Variants in GNAT2 observed in about 807,000 individuals in gnomAD.
The protein encoded by GNAT2 is G protein subunit alpha transducin 2.
GNAT2 carries 32 observed loss-of-function variants against 40.9 expected under a neutral mutation model. The observed-to-expected ratio is 0.78, with a 90% CI of 0.59 to 1.05. The LOEUF (loss-of-function observed/expected upper bound fraction) is 1.05. Among genes scored for constraint, GNAT2 ranks in the 50% least tolerant of loss-of-function variants. The pLI, the probability that GNAT2 is intolerant of heterozygous loss-of-function variation, is 0.00. For synonymous variants in GNAT2, 141 were observed against 157.2 expected, an observed-to-expected ratio of 0.90 and a Z score of 0.77; for missense variants, 355 against 431.5, an observed-to-expected ratio of 0.82 and a Z score of 1.57.
chr1:109,615,807 T>C (rs1649938546), intron 1 of GNAT2: 1 of 152,310 alleles, frequency 6.6e-6, no homozygotes, highest in Admixed American at 6.6e-5. Flanking sequence ...CAAAGTTATA[T>C]GGCCTAGTAA....
chr1:109,610,408 C>T, intron 3 of GNAT2, 57 bp downstream of exon 3: 1 of 1,523,582 alleles, frequency 6.6e-7, no homozygotes, highest in Non-Finnish European at 9.1e-7. Flanking sequence ...AATACCTCCA[C>T]TGGCTGTACT....
At chr1:109,609,959 T>G in intron 4 of GNAT2, 81 bp downstream of exon 4, 4 of 1,346,068 alleles carry the variant, frequency 3.0e-6, no homozygotes, top group Non-Finnish European at 2.1e-6. Flanking sequence ...CATCTTTCCA[T>G]ATAGTTTGTT....
At position 109,606,318 on chromosome 1, in the gene GNAT2, A is replaced by G. The variant is rs750089687; in HGVS notation, c.580T>C (p.Leu194=). Residue 194 remains leucine, a synonymous_variant, in exon 6 of 9, where the codon TTG becomes CTG. Coordinates refer to ENST00000679935, the MANE Select transcript of GNAT2 (RefSeq NM_001377295.2). ...IIETKFSVKD[L]NFRMFDVGGQ... ...GAACCATGCACTTACCTGAAATTCA[A>G]GTCTTTGACGGAAAACTTGGTTTCA... The G allele has an allele frequency of 3.1e-6, 5 of 1,613,918 alleles. No individual in the cohort carries two copies. Among genetic ancestry groups the G allele is most frequent in the Admixed American group, 1.7e-5 (1 of 60,020 alleles).
intron 1 of GNAT2, chr1:109,613,946 T>C (rs1649876073): frequency 6.6e-6 from 1 of 152,234 alleles, no homozygotes; most frequent in African/African-American, 2.4e-5. Context: ...AGCTGCCCTT[T>C]CCTGGGGGAA....
At chr1:109,610,533 C>T (rs369052204) in intron 2 of GNAT2, 26 bp from the exon 3 acceptor site, 36 of 1,607,058 alleles carry the variant, frequency 2.2e-5, no homozygotes, top group Middle Eastern at 1.7e-4. Flanking sequence ...CTTATGCTTT[C>T]GATTTCCACC....
intron 7 of GNAT2, 24 bp downstream of exon 7, chr1:109,605,946 C>T: frequency 6.2e-7 from 1 of 1,609,942 alleles, no homozygotes. Context: ...TCTACCAAAG[C>T]TGCTTGATGC....
chr1:109,610,335 A>T, intron 3 of GNAT2, 130 bp downstream of exon 3: 2 of 1,180,376 alleles, frequency 1.7e-6, no homozygotes, highest in Non-Finnish European at 2.5e-6. Flanking sequence ...GGTACAGATG[A>T]GGGGCATTGG....
Position 109,606,033 on chromosome 1 carries a change from G to A in GNAT2, c.657C>T (p.Thr219=). ...TGAGGGCTGCACAGAAAATGATGCA[G>A]GTGACTCCCTCGAAGCAGTGGATCC... The part of the protein sequence containing the change: ...KKWIHCFEGV[T]CIIFCAALSA... The change falls in exon 7 of 9, where the codon ACC becomes ACT. Residue 219 remains threonine, a synonymous_variant. Transcript: ENST00000679935. The A allele has an allele frequency of 3.1e-6, 5 of 1,612,934 alleles. No individual in the cohort carries two copies. Among genetic ancestry groups the A allele is most frequent in the Non-Finnish European group, 4.2e-6 (5 of 1,178,888 alleles).
In GNAT2 at chr1:109,605,891, TA is replaced by T. The variant is rs752944052; in HGVS notation, c.720+78del. On this transcript the variant is annotated intron_variant, in intron 7 of 8. Transcript: ENST00000679935. ...ACTGAAATTACCTAAGTTGGGGCAG[TA>T]GAGTGACACAAGGCTTAGAGAAAGG... 58 of 1,280,268 alleles carry T rather than the reference TA, an allele frequency of 4.5e-5. 1 individual carries two copies. Among genetic ancestry groups the T allele is most frequent in the Non-Finnish European group, 6.6e-5 (58 of 878,004 alleles). The allele number at this position is 1,280,268 out of a possible 1,614,324, so 79.3% of individuals were successfully genotyped here.
chr1:109,609,510 C>G (rs1557920082), intron 4 of GNAT2: 1 of 200,728 alleles, frequency 5.0e-6, no homozygotes, highest in Non-Finnish European at 1.0e-5. Context: ...TGGTGCACAC[C>G]TGTGGTCCCA....
intron 7 of GNAT2, chr1:109,605,378 C>G (rs1469497768): frequency 6.2e-6 from 1 of 161,298 alleles, no homozygotes; most frequent in Non-Finnish European, 1.4e-5. Context: ...AACACTTGTC[C>G]TATAGAACTC....
At chr1:109,609,171 T>C (rs2101127268) in intron 4 of GNAT2, 1 of 263,308 alleles carries the variant, frequency 3.8e-6, no homozygotes, top group African/African-American at 2.2e-5. Context: ...CAGGGACCCA[T>C]CACCTTTGTT....
At position 109,604,032 on chromosome 1, in the gene GNAT2, C is replaced by A. The variant is rs1294596437; in HGVS notation, c.793G>T (p.Val265Phe). The change falls in exon 8 of 9, where the codon GTC (valine) becomes TTC (phenylalanine). Residue 265 changes from valine (V) to phenylalanine (F), a missense_variant. Coordinates refer to ENST00000679935, the MANE Select transcript of GNAT2 (RefSeq NM_001377295.2). ...AGGTCCTTCTTGTTGAGAAAGAGGA[C>A]AATGGAAGTAGCCGCAAAGAATTTG... ...NHKFFAATSI[V>F]LFLNKKDLFE... 6.2e-7 allele frequency: 1 copy of A among 1,608,870 alleles called. No homozygotes were observed. The highest frequency in any genetic ancestry group is 1.1e-5 in the South Asian group (1 of 90,980).
intron 7 of GNAT2, chr1:109,604,412 A>G: frequency 2.6e-6 from 1 of 391,716 alleles, no homozygotes; most frequent in South Asian, 2.2e-5. Context: ...AGTGGCTGGC[A>G]TATAGGTCTA....
intron 7 of GNAT2, chr1:109,604,877 G>A (rs1045047400): frequency 6.6e-6 from 1 of 152,416 alleles, no homozygotes; most frequent in Non-Finnish European, 1.5e-5. Context: ...AACCCTTTAA[G>A]GTCTCATAGA....
intron 1 of GNAT2, 112 bp from the exon 2 acceptor site, chr1:109,613,035 G>T: frequency 1.4e-6 from 1 of 727,642 alleles, no homozygotes; most frequent in Non-Finnish European, 2.5e-6. Context: ...GTAGGGTCTT[G>T]TACTCTGCCT....
chr1:109,605,672 G>A (rs1357890411), intron 7 of GNAT2: 23 of 391,686 alleles, frequency 5.9e-5, no homozygotes, highest in Middle Eastern at 8.5e-4. Context: ...CTAGTTGATG[G>A]TCCCTTATCT....
chr1:109,610,881 C>T, intron 2 of GNAT2: 1 of 360,546 alleles, frequency 2.8e-6, no homozygotes, highest in Admixed American at 4.0e-5. Context: ...AAACCACTAA[C>T]AGATTCAGGG....
In GNAT2 at chr1:109,612,823, G is replaced by C. The variant is rs770886199; in HGVS notation, c.48C>G (p.Ser16=). 4.3e-6 allele frequency: 7 copies of C among 1,613,602 alleles called. No individual in the cohort carries two copies. The highest frequency in any genetic ancestry group is 5.9e-6 in the Non-Finnish European group (7 of 1,179,618). The change falls in exon 2 of 9, where the codon TCC becomes TCG. Residue 16 remains serine (S), a synonymous_variant. Transcript: ENST00000679935. ...SAEDKELAKR[S]KELEKKLQED... ...CCTGCAGCTTCTTTTCTAGCTCCTT[G>C]GACCTCTTGGCCAGTTCTTTGTCCT...
Sources: allele counts gnomAD v4.1 joint callset, GRCh38; gene constraint gnomAD v4.1.1; transcripts MANE v1.5; gene names NCBI Gene and HGNC (gene_info 2026-07-23, HGNC 2026-07-21).